VEPH1: variants seen among roughly 807,000 people sequenced by gnomAD.
The protein encoded by VEPH1 is ventricular zone expressed PH domain containing 1, also known as ventricular zone-expressed PH domain-containing protein homolog 1.
A neutral mutation model predicts 85.2 loss-of-function variants in VEPH1; 80 were observed. That is an observed-to-expected ratio of 0.94 (90% confidence interval 0.78 to 1.13). The LOEUF (loss-of-function observed/expected upper bound fraction) is 1.13, where lower values mean the gene tolerates loss of function less well. VEPH1 is among the 50% of genes most tolerant of loss of function. The probability of loss-of-function intolerance (pLI) is 0.00; values close to 1 mark genes in which losing one functional copy is unlikely to be tolerated. For missense variants in VEPH1, 955 were observed against 980.5 expected (o/e 0.97, Z 0.35); for synonymous variants, 297 against 348.0 (o/e 0.85, Z 1.63).
intron 6 of VEPH1, among the ~76,000 whole-genome samples, chr3:157,408,020 G>A (rs540962076): frequency 1.3e-5 from 2 of 152,212 alleles, no homozygotes; most frequent in African/African-American, 4.8e-5. Flanking sequence ...TGTTACTTTT[G>A]CCCTCATCGT....
intron 9 of VEPH1, among the ~76,000 whole-genome samples, chr3:157,320,327 G>A (rs1721220162): frequency 6.6e-6 from 1 of 152,126 alleles, no homozygotes; most frequent in South Asian, 2.1e-4. Context: ...GGAACAAGGG[G>A]AGGCTTCATG....
intron 9 of VEPH1, among the ~76,000 whole-genome samples, chr3:157,351,181 C>T (rs566442161): frequency 6.6e-6 from 1 of 152,252 alleles, no homozygotes; most frequent in South Asian, 2.1e-4. Flanking sequence ...TGAGGTGGCT[C>T]ATGCCTGTAA....
chr3:157,304,855 C>G (rs764447588), intron 11 of VEPH1, among the ~76,000 whole-genome samples: 1 of 152,000 alleles, frequency 6.6e-6, no homozygotes, highest in South Asian at 2.1e-4. Context: ...ATTTAATGGG[C>G]AATCCTCCAA....
intron 4 of VEPH1, chr3:157,459,758 T>A: frequency 1.4e-6 from 2 of 1,445,708 alleles, no homozygotes; most frequent in Non-Finnish European, 1.8e-6. Context: ...CATTACACAT[T>A]TTCTGATGTA....
At chr3:157,318,583 G>C (rs940817502) in intron 9 of VEPH1, among the ~76,000 whole-genome samples, 1 of 149,230 alleles carries the variant, frequency 6.7e-6, no homozygotes, top group Admixed American at 6.7e-5. Context: ...CTCTAGCCTG[G>C]GCAACAGAGA....
At chr3:157,440,494 T>C (rs1040413243) in intron 4 of VEPH1, among the ~76,000 whole-genome samples, 2 of 152,152 alleles carry the variant, frequency 1.3e-5, no homozygotes, top group African/African-American at 4.8e-5. Flanking sequence ...TTCTGGGAGT[T>C]TGCTTTTCAA....
At chr3:157,364,273 G>A (rs766266351) in intron 8 of VEPH1, 30 bp downstream of exon 8, 1 of 1,490,080 alleles carries the variant, frequency 6.7e-7, no homozygotes, top group Non-Finnish European at 9.1e-7. Context: ...TGAAGTGTAT[G>A]ATTTAAAAAA....
At chr3:157,270,285 GCAAAACAAAA>G (rs954662050) in intron 12 of VEPH1, among the ~76,000 whole-genome samples, 3 of 148,342 alleles carry the variant, frequency 2.0e-5, no homozygotes, top group Admixed American at 6.7e-5. Flanking sequence ...AAAAAAAAAA[GCAAAACAAAA>G]CAAAACAAAA....
intron 10 of VEPH1, among the ~76,000 whole-genome samples, 162 bp downstream of exon 10, chr3:157,316,900 T>C (rs532235660): frequency 2.0e-5 from 3 of 152,272 alleles, no homozygotes; most frequent in African/African-American, 7.2e-5. Flanking sequence ...AAGGAAACTA[T>C]CCTAAAATAT....
At chr3:157,458,652 T>C (rs1735573571) in intron 4 of VEPH1, among the ~76,000 whole-genome samples, 1 of 152,198 alleles carries the variant, frequency 6.6e-6, no homozygotes, top group Non-Finnish European at 1.5e-5. Context: ...TCAGTTTTTG[T>C]TTTTGTCATA....
intron 6 of VEPH1, among the ~76,000 whole-genome samples, chr3:157,387,216 C>T (rs1407919319): frequency 6.6e-6 from 1 of 152,042 alleles, no homozygotes. Context: ...TTTAATACTA[C>T]TACTCCAGTT....
Position 157,428,404 on chromosome 3 carries a change from G to A in VEPH1, c.614C>T (p.Ala205Val). Residue 205 changes from alanine (A) to valine (V), a missense_variant, in exon 5 of 14, where the codon GCC becomes GTC. Coordinates refer to ENST00000362010, the MANE Select transcript of VEPH1 (RefSeq NM_001167912.2). ...TGGCTGTTCCAGCTGAGACATCAAG[G>A]CCAGGAGTTCTGTCAGGTGTCTATT... ...PINRHLTELL[A>V]LMSQLEQPEQ... 2 of 1,614,082 alleles carry A rather than the reference G, an allele frequency of 1.2e-6. No individual in the cohort carries two copies. The highest frequency in any genetic ancestry group is 1.7e-6 in the Non-Finnish European group (2 of 1,180,004).
intron 5 of VEPH1, among the ~76,000 whole-genome samples, chr3:157,425,282 C>T (rs962275568): frequency 1.3e-5 from 2 of 152,214 alleles, no homozygotes; most frequent in African/African-American, 2.4e-5. Context: ...GATGTCCAGA[C>T]AGAAGTTTGC....
At chr3:157,291,969 A>C (rs1717530202) in intron 11 of VEPH1, among the ~76,000 whole-genome samples, 1 of 152,202 alleles carries the variant, frequency 6.6e-6, no homozygotes, top group South Asian at 2.1e-4. Context: ...ATATATCTGC[A>C]TATCTATGGG....
chr3:157,465,673 A>G (rs975322524), intron 3 of VEPH1, among the ~76,000 whole-genome samples: 19 of 152,236 alleles, frequency 1.2e-4, no homozygotes, highest in Admixed American at 1.2e-3. Context: ...CAACACTAGC[A>G]AGGGCAGAGT....
At chr3:157,490,078 A>G (rs1739084626) in intron 2 of VEPH1, among the ~76,000 whole-genome samples, 1 of 152,114 alleles carries the variant, frequency 6.6e-6, no homozygotes, top group South Asian at 2.1e-4. Context: ...ATAAAGGGAT[A>G]GAAATGTAAT....
At chr3:157,434,154 T>C (rs906510641) in intron 4 of VEPH1, among the ~76,000 whole-genome samples, 1 of 152,208 alleles carries the variant, frequency 6.6e-6, no homozygotes, top group Non-Finnish European at 1.5e-5. Flanking sequence ...TTACTGATAT[T>C]ACTACTGCTA....
chr3:157,488,354 A>G (rs1260778286), intron 2 of VEPH1, among the ~76,000 whole-genome samples: 1 of 152,100 alleles, frequency 6.6e-6, no homozygotes, highest in African/African-American at 2.4e-5. Context: ...AATGACCTTC[A>G]TGTGTCTGAA....
chr3:157,318,606 C>CA (rs1204499130), intron 9 of VEPH1, among the ~76,000 whole-genome samples: 4 of 122,982 alleles, frequency 3.3e-5, no homozygotes, highest in East Asian at 2.2e-4. Flanking sequence ...TACTCCGTCC[C>CA]AAAAAAACAA....
Sources: allele counts gnomAD v4.1 joint callset (sites outside exome capture counted in the v4.1 genomes callset), GRCh38; gene constraint gnomAD v4.1.1; transcripts MANE v1.5; gene names NCBI Gene and HGNC (gene_info 2026-07-23, HGNC 2026-07-21).